The following STMN3 variants were observed in gnomAD, a reference collection of about 807,000 sequenced individuals.
STMN3 encodes the protein stathmin 3.
In STMN3, 24 loss-of-function variants were observed where a neutral mutation model predicts 23.2. The ratio of observed to expected loss-of-function variants is 1.03; its 90% confidence interval spans 0.75 to 1.45. STMN3 has a LOEUF of 1.45. Ranked by LOEUF, STMN3 falls within the 40% of genes most tolerant of loss-of-function variation. The pLI is 0.00. For missense variants in STMN3, 235 were observed against 237.6 expected (o/e 0.99, Z 0.07); for synonymous variants, 117 against 103.4 (o/e 1.13, Z -0.80).
At position 63,652,501 on chromosome 20, in the gene STMN3, C is replaced by T. The variant is rs982468980; in HGVS notation, c.19+826G>A. On this transcript the variant is annotated intron_variant, in intron 1 of 4. Transcript: ENST00000370053. This position sits in a 1 kb window ranked among gnomAD's most constrained non-coding sequence, Gnocchi z 5.3. ...TCCCCTGCGTCCAGAATCCGCCCCCCGCCCGGGCCTGCGCCCGCCCCTCCG... is the reference window on the plus strand; with the variant it reads ...TCCCCTGCGTCCAGAATCCGCCCCCTGCCCGGGCCTGCGCCCGCCCCTCCG... 3.4e-5 allele frequency: 31 copies of T among 913,584 alleles called. No homozygotes were observed. Among genetic ancestry groups the T allele is most frequent in the Non-Finnish European group, 3.7e-5 (28 of 764,502 alleles). 56.6% of individuals were successfully genotyped at this position (913,584 alleles called of 1,614,324 possible). A position where few individuals can be genotyped will look rare whatever the true frequency, so the allele number is the denominator to read the frequency against.
Position 63,652,400 on chromosome 20 carries a change from C to T in STMN3, c.19+927G>A. The T allele has an allele frequency of 4.6e-6, 1 of 216,152 alleles. No individual in the cohort carries two copies. The highest frequency in any genetic ancestry group is 7.9e-6 in the Non-Finnish European group (1 of 126,396). 13.4% of individuals were successfully genotyped at this position (216,152 alleles called of 1,614,324 possible). Reference sequence around the variant, plus strand: ...CGTCGAGTGAAAAACGAAGCGGGTTCTGCGGCCTCGCGGCGGAGCAGAGCG... The same window carrying T: ...CGTCGAGTGAAAAACGAAGCGGGTTTTGCGGCCTCGCGGCGGAGCAGAGCG... On this transcript the variant is annotated intron_variant, in intron 1 of 4. Coordinates refer to ENST00000370053, the MANE Select transcript of STMN3 (RefSeq NM_015894.4). The surrounding 1 kb of genome is among the most constrained non-coding windows in gnomAD (Gnocchi z 5.3).
chr20:63,649,575 G>T (rs2089841756), intron 1 of STMN3, among the ~76,000 whole-genome samples: 1 of 152,102 alleles, frequency 6.6e-6, no homozygotes, highest in Non-Finnish European at 1.5e-5. Context: ...CTGTCTCCCA[G>T]GCTGGAGTGC....
chr20:63,642,937 C>G (rs995707864), intron 3 of STMN3, among the ~76,000 whole-genome samples: 1 of 152,190 alleles, frequency 6.6e-6, no homozygotes, highest in African/African-American at 2.4e-5. Context: ...ATGCGTTGGC[C>G]TCCAGGGTGG....
intron 3 of STMN3, among the ~76,000 whole-genome samples, chr20:63,642,516 G>GCCGCCC (rs1400354262): frequency 4.0e-5 from 6 of 149,260 alleles, no homozygotes; most frequent in African/African-American, 1.5e-4. Flanking sequence ...GTCGCGATCC[G>GCCGCCC]CCGCCCCCGC....
At chr20:63,647,788 AAT>A (rs1233937704) in intron 1 of STMN3, among the ~76,000 whole-genome samples, 4 of 126,410 alleles carry the variant, frequency 3.2e-5, no homozygotes, top group Non-Finnish European at 5.0e-5. Flanking sequence ...GTATATATAT[AAT>A]ATATATACGT....
chr20:63,647,077 G>A (rs1052035407), intron 1 of STMN3, among the ~76,000 whole-genome samples: 2 of 151,924 alleles, frequency 1.3e-5, no homozygotes, highest in Admixed American at 1.3e-4. Context: ...GGAGGCTGAG[G>A]CAGGCAGATC....
At position 63,641,158 on chromosome 20, in the gene STMN3, C is replaced by G. The variant is rs537480869; in HGVS notation, c.*180G>C. 5.9e-3 allele frequency: 3,902 copies of G among 664,684 alleles called. 97 individuals are homozygous for G. The highest frequency in any genetic ancestry group is 0.057 in the African/African-American group (3,230 of 56,366). 41.2% of individuals were successfully genotyped at this position (664,684 alleles called of 1,614,324 possible). On this transcript the variant is annotated 3_prime_UTR_variant, in exon 5 of 5. Transcript: ENST00000370053. Reference sequence around the variant, plus strand: ...CGCCCGGCGGCTCCTGCAGGGGAAGCCGTGGTCAGCGACTCACCACGAGGA... The same window carrying G: ...CGCCCGGCGGCTCCTGCAGGGGAAGGCGTGGTCAGCGACTCACCACGAGGA...
Position 63,641,176 on chromosome 20 carries a change from C to T in STMN3, c.*162G>A. On this transcript the variant is annotated 3_prime_UTR_variant, in exon 5 of 5. Coordinates refer to ENST00000370053, the MANE Select transcript of STMN3 (RefSeq NM_015894.4). ...GGGGAAGCCGTGGTCAGCGACTCAC[C>T]ACGAGGACAGGGCAGGGCGGCTGAG... is the stretch of plus-strand genomic sequence containing the variant. The T allele has an allele frequency of 1.4e-6, 1 of 704,984 alleles. No individual in the cohort carries two copies. Among genetic ancestry groups the T allele is most frequent in the Non-Finnish European group, 2.5e-6 (1 of 396,832 alleles). 43.7% of individuals were successfully genotyped at this position (704,984 alleles called of 1,614,324 possible).
At chr20:63,642,324 T>G (rs771723574) in intron 3 of STMN3, 25 bp from the exon 4 acceptor site, 1 of 1,429,774 alleles carries the variant, frequency 7.0e-7, no homozygotes, top group Non-Finnish European at 9.2e-7. Context: ...CGGGCGCGCG[T>G]GAGCGGCAAC....
chr20:63,648,461 C>T (rs2089835064), intron 1 of STMN3, among the ~76,000 whole-genome samples: 2 of 152,164 alleles, frequency 1.3e-5, no homozygotes, highest in African/African-American at 2.4e-5. Flanking sequence ...TGTGGCCGGG[C>T]GCAGTGGCTC....
At chr20:63,641,589 G>C (rs898824709) in intron 4 of STMN3, among the ~76,000 whole-genome samples, 192 bp from the exon 5 acceptor site, 24 of 152,206 alleles carry the variant, frequency 1.6e-4, no homozygotes, top group African/African-American at 5.8e-4. Flanking sequence ...GACCAAGGAC[G>C]GGTTTCCTGG....
At chr20:63,647,796 T>C (rs547278413) in intron 1 of STMN3, among the ~76,000 whole-genome samples, 97 of 126,918 alleles carry the variant, frequency 7.6e-4, no homozygotes, top group African/African-American at 2.4e-3. Context: ...ATAATATATA[T>C]ACGTATATAT....
chr20:63,643,690 AG>A (rs1404283737), intron 3 of STMN3, 65 bp downstream of exon 3: 2 of 1,466,184 alleles, frequency 1.4e-6, no homozygotes, highest in African/African-American at 1.5e-5. Flanking sequence ...TGCTTCTTGC[AG>A]GCCCTGTCCC....
intron 1 of STMN3, among the ~76,000 whole-genome samples, chr20:63,647,520 A>G (rs561988528): frequency 2.2e-3 from 327 of 148,572 alleles, no homozygotes; most frequent in Admixed American, 3.9e-3. Context: ...GGAGACTGAG[A>G]CGGGAGAATC....
At chr20:63,651,763 C>G (rs1170368549) in intron 1 of STMN3, among the ~76,000 whole-genome samples, 1 of 152,204 alleles carries the variant, frequency 6.6e-6, no homozygotes, top group Non-Finnish European at 1.5e-5. Context: ...TTAGGCAGCT[C>G]GGACAACACC....
chr20:63,651,244 A>G (rs1049395162), intron 1 of STMN3, among the ~76,000 whole-genome samples: 1 of 152,170 alleles, frequency 6.6e-6, no homozygotes, highest in African/African-American at 2.4e-5. Context: ...TACAGGCATG[A>G]GCCACCCTAT....
chr20:63,642,182 T>C lies in STMN3; in HGVS notation c.409A>G (p.Asn137Asp), dbSNP rs2089774380. ...NFSRQAEEKL[N>D]YKMELSKEIR... The stretch of plus-strand genomic sequence containing the variant: ...TCCTTGCTGAGCTCCATCTTGTAGT[T>C]GAGCTTCTCCTCCGCCTGGCGGCTG... Residue 137 changes from asparagine to aspartate, a missense_variant, in exon 4 of 5, where the codon AAC (asparagine) becomes GAC (aspartate). By Grantham distance (23) the Asn-to-Asp change is conservative. Transcript: ENST00000370053. The C allele has an allele frequency of 2.6e-6, 4 of 1,546,652 alleles. No homozygotes were observed. The highest frequency in any genetic ancestry group is 3.5e-6 in the Non-Finnish European group (4 of 1,147,166).
At chr20:63,647,384 A>G (rs2089817211) in intron 1 of STMN3, among the ~76,000 whole-genome samples, 1 of 150,462 alleles carries the variant, frequency 6.6e-6, no homozygotes, top group Non-Finnish European at 1.5e-5. Context: ...TGAGGGGCCA[A>G]GGCGGGCAGA....
At chr20:63,647,914 ATATT>A (rs1240522495) in intron 1 of STMN3, among the ~76,000 whole-genome samples, 1 of 117,066 alleles carries the variant, frequency 8.5e-6, no homozygotes, top group Admixed American at 1.0e-4. Flanking sequence ...ACGTGTGTAT[ATATT>A]AATATATATA....
Sources: gnomAD v4.1 joint callset for allele counts (sites outside exome capture counted in the v4.1 genomes callset) on GRCh38, gnomAD v4.1.1 for gene constraint, Gnocchi (gnomAD v3.1) non-coding constraint, MANE v1.5 for transcripts, NCBI Gene and HGNC (gene_info 2026-07-23, HGNC 2026-07-21) for gene names.